ARHGAP25: variants seen among roughly 807,000 people sequenced by gnomAD.
The protein encoded by ARHGAP25 is Rho GTPase activating protein 25.
In ARHGAP25, 34 loss-of-function variants were observed where a neutral mutation model predicts 71.0. The ratio of observed to expected loss-of-function variants is 0.48; its 90% CI spans 0.36 to 0.64. ARHGAP25 has a LOEUF of 0.64. ARHGAP25 is among the 30% of genes least tolerant of loss of function. The probability of loss-of-function intolerance (pLI) is 0.00; values close to 1 mark genes in which losing one functional copy is unlikely to be tolerated. For synonymous variants in ARHGAP25, 282 were observed against 296.5 expected (o/e 0.95, Z 0.50); for missense variants, 706 against 805.1 (o/e 0.88, Z 1.49).
intron 1 of ARHGAP25, among the ~76,000 whole-genome samples, chr2:68,773,168 A>G (rs11693768): frequency 0.84 from 127,861 of 152,154 alleles, 54,121 homozygotes; most frequent in African/African-American, 0.88. Context: ...GGACCGAAGG[A>G]TGAAATGTGG....
chr2:68,796,807 GT>G (rs1354980229), intron 4 of ARHGAP25, among the ~76,000 whole-genome samples: 1 of 152,200 alleles, frequency 6.6e-6, no homozygotes, highest in Non-Finnish European at 1.5e-5. Context: ...GATGCTGATT[GT>G]AGTAGTGGTG....
chr2:68,819,021 A>G (rs1434658080), intron 8 of ARHGAP25, 102 bp from the exon 9 acceptor site: 1 of 1,045,196 alleles, frequency 9.6e-7, no homozygotes, highest in Admixed American at 2.5e-5. Context: ...TGGGCCCTAT[A>G]GTTTTAGAAC....
intron 5 of ARHGAP25, among the ~76,000 whole-genome samples, chr2:68,809,901 A>G (rs1680652379): frequency 6.6e-6 from 1 of 152,076 alleles, no homozygotes; most frequent in Admixed American, 6.5e-5. Context: ...GAACTTTAAA[A>G]TCTCCTTGCC....
At chr2:68,813,174 A>G (rs1680956590) in intron 5 of ARHGAP25, 113 bp from the exon 6 acceptor site, 2 of 1,298,316 alleles carry the variant, frequency 1.5e-6, no homozygotes, top group Non-Finnish European at 2.1e-6. Context: ...CCTCTGCAAA[A>G]TTTCCCTTTG....
At chr2:68,819,621 A>T in intron 9 of ARHGAP25, 1 of 586,090 alleles carries the variant, frequency 1.7e-6, no homozygotes, top group Non-Finnish European at 3.0e-6. Flanking sequence ...AGAGAAGTTC[A>T]GTGGGAAAAA....
chr2:68,797,039 C>T (rs541246511), intron 4 of ARHGAP25, among the ~76,000 whole-genome samples: 31 of 152,224 alleles, frequency 2.0e-4, no homozygotes, highest in Non-Finnish European at 3.5e-4. Flanking sequence ...GATTTATGCC[C>T]GACCTCTGTT....
At position 68,771,905 on chromosome 2, in the gene ARHGAP25, T is replaced by C. The variant is rs149875692; in HGVS notation, c.62-3316T>C. On this transcript the variant is annotated intron_variant, in intron 1 of 10. Coordinates refer to ENST00000409202, the MANE Select transcript of ARHGAP25 (RefSeq NM_001007231.3). Reference sequence around the variant, plus strand: ...ATGGCCAGGCAGAGCCTTGTTCATATGTAAGCAGACAAGCTGGTTGCCTTT... The same window carrying C: ...ATGGCCAGGCAGAGCCTTGTTCATACGTAAGCAGACAAGCTGGTTGCCTTT... Among the ~76,000 whole-genome samples the C allele has an allele frequency of 2.4e-4, 37 of 152,360 alleles. No individual in the cohort carries two copies. The East Asian group carries it at 6.9e-3, about 29-fold the overall frequency.
At chr2:68,802,955 A>G (rs994072134) in intron 4 of ARHGAP25, among the ~76,000 whole-genome samples, 1 of 141,868 alleles carries the variant, frequency 7.0e-6, no homozygotes, top group Non-Finnish European at 1.6e-5. Context: ...GTGTGTATAT[A>G]TATACACACA....
chr2:68,748,670 GT>G (rs1675979595), intron 1 of ARHGAP25, among the ~76,000 whole-genome samples: 1 of 152,182 alleles, frequency 6.6e-6, no homozygotes, highest in African/African-American at 2.4e-5. Flanking sequence ...TTGAACAACA[GT>G]TTGGTCCAGA....
At chr2:68,755,032 G>T (rs1443700703) in intron 1 of ARHGAP25, among the ~76,000 whole-genome samples, 2 of 152,084 alleles carry the variant, frequency 1.3e-5, no homozygotes, top group Admixed American at 1.3e-4. Context: ...TAATTTTGAT[G>T]AAGTCAAATA....
intron 1 of ARHGAP25, among the ~76,000 whole-genome samples, chr2:68,772,142 AT>A (rs1340621734): frequency 6.6e-6 from 1 of 152,244 alleles, no homozygotes; most frequent in Non-Finnish European, 1.5e-5. Context: ...AATTTCTTCT[AT>A]GCTGAGTGAA....
rs1461557193 is a variant in ARHGAP25 at position 68,807,373 on chromosome 2, G to T, written c.567G>T (p.Leu189=). The change falls in exon 5 of 11, where the codon CTG becomes CTT. Residue 189 remains leucine (L), a synonymous_variant. Transcript: ENST00000409202. ...ILVEKCAEFI[L]EHGRNEEGIF... is the part of the protein sequence containing the mutation. ...TGGAGAAATGTGCAGAGTTCATCCT[G>T]GAGCACGGCCGGAATGAAGAGGGCA... The T allele has an allele frequency of 5.0e-6, 8 of 1,614,096 alleles. No individual in the cohort carries two copies. Among genetic ancestry groups the T allele is most frequent in the African/African-American group, 1.3e-5 (1 of 74,918 alleles).
chr2:68,822,630 C>G lies in ARHGAP25; in HGVS notation c.1491C>G (p.Ser497=), dbSNP rs1270914857. ...MSQDLRQLSD[S]QRTSTYDNVP... is the part of the protein sequence containing the mutation. ...AAGACTTGCGCCAACTTTCTGACTC[C>G]CAACGGACTTCCACCTACGATAACG... The change falls in exon 10 of 11, where the codon TCC becomes TCG. Residue 497 remains serine, a synonymous_variant. Transcript: ENST00000409202. The G allele has an allele frequency of 1.9e-6, 3 of 1,614,004 alleles. No homozygotes were observed. Among genetic ancestry groups the G allele is most frequent in the Non-Finnish European group, 2.5e-6 (3 of 1,180,044 alleles).
Position 68,782,270 on chromosome 2 carries a change from T to C in ARHGAP25, c.299T>C (p.Ile100Thr), listed in dbSNP as rs1678394769. The C allele has an allele frequency of 1.2e-6, 2 of 1,614,156 alleles. No individual in the cohort carries two copies. Among genetic ancestry groups the C allele is most frequent in the East Asian group, 4.5e-5 (2 of 44,886 alleles). Residue 100 changes from isoleucine (I) to threonine (T), a missense_variant, in exon 3 of 11, where the codon ATC becomes ACC. Transcript: ENST00000409202. ...CTACCAGGATGTACAATCAAGGAGA[T>C]CGCCACAAACCCAGAAGAAGCTGGG... is the stretch of plus-strand genomic sequence containing the variant. ...MYLPGCTIKE[I>T]ATNPEEAGKF...
upstream of ARHGAP25, among the ~76,000 whole-genome samples, chr2:68,730,273 C>G (rs1274213402): frequency 6.6e-6 from 1 of 152,114 alleles, no homozygotes; most frequent in African/African-American, 2.4e-5. Context: ...TTTTTATTTT[C>G]TTTTTGCTTT....
rs187247617 is a variant in ARHGAP25 at position 68,788,695 on chromosome 2, G to T, written c.466+739G>T. On this transcript the variant is annotated intron_variant, in intron 4 of 10. Coordinates refer to ENST00000409202, the MANE Select transcript of ARHGAP25 (RefSeq NM_001007231.3). ...TTATAAAAATATGAAAAAACCGACA[G>T]GTATGAGTTCTCAAGTTAACATTTT... is the stretch of plus-strand genomic sequence containing the variant. 7.2e-5 allele frequency among the ~76,000 whole-genome samples: 11 copies of T among 152,294 alleles called. No individual in the cohort carries two copies. In the East Asian group the frequency reaches 2.1e-3, roughly 29 times the overall value.
chr2:68,797,434 G>T (rs1032307230), intron 4 of ARHGAP25, among the ~76,000 whole-genome samples: 2 of 152,122 alleles, frequency 1.3e-5, no homozygotes, highest in Non-Finnish European at 2.9e-5. Context: ...GTCAGTCCTG[G>T]CAGGCTGCAC....
At chr2:68,809,636 G>T (rs1680632519) in intron 5 of ARHGAP25, among the ~76,000 whole-genome samples, 1 of 152,130 alleles carries the variant, frequency 6.6e-6, no homozygotes, top group Non-Finnish European at 1.5e-5. Flanking sequence ...AGCTATGGTT[G>T]TAGCTTTTTC....
intron 5 of ARHGAP25, among the ~76,000 whole-genome samples, chr2:68,811,476 T>G (rs1435660969): frequency 6.6e-6 from 1 of 152,198 alleles, no homozygotes; most frequent in Non-Finnish European, 1.5e-5. Flanking sequence ...TAGCCTGGCT[T>G]TGCCTTGGGT....
Sources: gnomAD v4.1 joint callset for allele counts (sites outside exome capture counted in the v4.1 genomes callset) on GRCh38, gnomAD v4.1.1 for gene constraint, MANE v1.5 for transcripts, NCBI Gene and HGNC (gene_info 2026-07-23, HGNC 2026-07-21) for gene names.